TMEM132C: variants seen among roughly 807,000 people sequenced by gnomAD.
TMEM132C encodes protein phosphatase 1, regulatory subunit 152.
Under a neutral mutation model 61.4 loss-of-function variants are expected in TMEM132C, and 29 were observed. The ratio of observed to expected loss-of-function variants is 0.47; its 90% confidence interval spans 0.35 to 0.64. The LOEUF is 0.64. Ranked by LOEUF, TMEM132C falls within the 30% of genes least tolerant of loss-of-function variation. TMEM132C has a pLI of 0.00. For missense variants in TMEM132C, 1,408 were observed against 1,476.9 expected (o/e 0.95, Z 0.76); for synonymous variants, 656 against 633.1 (o/e 1.04, Z -0.54).
intron 2 of TMEM132C, among the ~76,000 whole-genome samples, chr12:128,484,436 C>T (rs1483818282): frequency 2.0e-5 from 3 of 152,160 alleles, no homozygotes; most frequent in Admixed American, 2.0e-4. Context: ...TAGGCAGGTA[C>T]AATCTCTGGG....
intron 1 of TMEM132C, among the ~76,000 whole-genome samples, chr12:128,344,928 T>TC (rs959005085): frequency 2.0e-5 from 3 of 151,174 alleles, no homozygotes; most frequent in African/African-American, 7.3e-5. Flanking sequence ...TGAGTTTCTT[T>TC]TTTTTTTTTT....
intron 1 of TMEM132C, among the ~76,000 whole-genome samples, chr12:128,342,653 C>T (rs922920310): frequency 6.6e-6 from 1 of 152,166 alleles, no homozygotes; most frequent in Non-Finnish European, 1.5e-5. Flanking sequence ...CTCCACAAGC[C>T]AAGGCTCCTC....
chr12:128,383,682 T>A (rs1874489151), intron 1 of TMEM132C, among the ~76,000 whole-genome samples: 1 of 152,164 alleles, frequency 6.6e-6, no homozygotes, highest in Admixed American at 6.5e-5. Flanking sequence ...GGACCATCGG[T>A]GTTTCTGGAG....
chr12:128,395,754 C>T (rs1432880861), intron 1 of TMEM132C, among the ~76,000 whole-genome samples: 2 of 152,212 alleles, frequency 1.3e-5, no homozygotes, highest in East Asian at 3.8e-4. Context: ...CACTTTCACA[C>T]CGTCATAAAG....
intron 8 of TMEM132C, among the ~76,000 whole-genome samples, chr12:128,701,388 T>A (rs1002342550): frequency 8.5e-5 from 13 of 152,278 alleles, no homozygotes; most frequent in Admixed American, 7.8e-4. Flanking sequence ...TGGCCAGGGC[T>A]TACCAACACA....
chr12:128,404,470 A>G (rs1875269424), intron 1 of TMEM132C: 1 of 152,354 alleles, frequency 6.6e-6, no homozygotes, highest in African/African-American at 2.4e-5. Context: ...CCCATCCTTT[A>G]TGTCCCAGCT....
intron 8 of TMEM132C, among the ~76,000 whole-genome samples, chr12:128,704,290 A>G (rs781477148): frequency 5.3e-5 from 8 of 152,196 alleles, no homozygotes; most frequent in Non-Finnish European, 1.2e-4. Context: ...TAGTTTTTAC[A>G]TAGCTGTTGG....
intron 5 of TMEM132C, among the ~76,000 whole-genome samples, chr12:128,670,189 A>G (rs1219380011): frequency 6.6e-6 from 1 of 152,186 alleles, no homozygotes; most frequent in Non-Finnish European, 1.5e-5. Flanking sequence ...GCACACCTGT[A>G]ATCCCAGTAC....
At chr12:128,383,147 T>TATGTGTGTGCACCTGTGC (rs1354857250) in intron 1 of TMEM132C, among the ~76,000 whole-genome samples, 1 of 152,224 alleles carries the variant, frequency 6.6e-6, no homozygotes, top group Non-Finnish European at 1.5e-5. Flanking sequence ...TGTGTGCCTG[T>TATGTGTGTGCACCTGTGC]ATGTGTGTGC....
Position 128,301,893 on chromosome 12 carries a change from A to G in TMEM132C, c.85+34406A>G, listed in dbSNP as rs140504146. Among the ~76,000 whole-genome samples, 1,457 of 152,356 alleles carry G rather than the reference A, an allele frequency of 9.6e-3. 12 individuals are homozygous for G. The highest frequency in any genetic ancestry group is 0.017 in the Middle Eastern group (5 of 294). On this transcript the variant is annotated intron_variant, in intron 1 of 8. Transcript: ENST00000435159. Reference sequence around the variant, plus strand: ...AATCATGGCGGAAGGCAAAAGGCACATCTTACATGGTGGCAGATGAGAGAA... The same window carrying G: ...AATCATGGCGGAAGGCAAAAGGCACGTCTTACATGGTGGCAGATGAGAGAA...
At chr12:128,513,390 A>G (rs1055383226) in intron 2 of TMEM132C, among the ~76,000 whole-genome samples, 5 of 152,134 alleles carry the variant, frequency 3.3e-5, no homozygotes, top group Non-Finnish European at 7.4e-5. Flanking sequence ...CCGAGATATA[A>G]TCTCATTACG....
intron 1 of TMEM132C, among the ~76,000 whole-genome samples, chr12:128,375,855 G>T (rs1874175758): frequency 6.6e-6 from 1 of 152,232 alleles, no homozygotes; most frequent in Admixed American, 6.5e-5. Context: ...TGATGGATTT[G>T]AGGCAAGAGC....
chr12:128,524,536 C>T (rs994865731), intron 2 of TMEM132C, among the ~76,000 whole-genome samples: 6 of 152,038 alleles, frequency 3.9e-5, no homozygotes, highest in African/African-American at 1.5e-4. Flanking sequence ...TAATTCTAAA[C>T]CTGGAAGGCA....
At chr12:128,455,316 C>T (rs1265874161) in intron 2 of TMEM132C, among the ~76,000 whole-genome samples, 1 of 152,154 alleles carries the variant, frequency 6.6e-6, no homozygotes, top group Non-Finnish European at 1.5e-5. Flanking sequence ...CCAGGCTCTA[C>T]CCACACGGAG....
At chr12:128,451,553 C>A (rs780154276) in intron 2 of TMEM132C, among the ~76,000 whole-genome samples, 2 of 152,186 alleles carry the variant, frequency 1.3e-5, no homozygotes, top group Non-Finnish European at 2.9e-5. Flanking sequence ...ACTCATTTTT[C>A]ATGAGACCTA....
intron 3 of TMEM132C, among the ~76,000 whole-genome samples, chr12:128,571,562 C>G (rs926251039): frequency 1.3e-5 from 2 of 152,200 alleles, no homozygotes; most frequent in Non-Finnish European, 2.9e-5. Context: ...CCCCACTCCC[C>G]CTCCCCGCAG....
chr12:128,669,493 A>G lies in TMEM132C; in HGVS notation c.1382A>G (p.Glu461Gly). Residue 461 changes from glutamate to glycine, a missense_variant, in exon 5 of 9, where the codon GAG becomes GGG. Physicochemically the swap from Glu to Gly is moderately conservative, Grantham distance 98. Transcript: ENST00000435159. ...AMPIKVVSVE[E>G]NSAVMDISES... ...CCTATCAAGGTGGTCTCTGTGGAGG[A>G]GAACAGTGCCGTGATGGACATCTCA... The G allele has an allele frequency of 6.4e-7, 1 of 1,551,714 alleles. No individual in the cohort carries two copies. The highest frequency in any genetic ancestry group is 8.7e-7 in the Non-Finnish European group (1 of 1,146,994).
At chr12:128,643,003 T>A (rs1039872856) in intron 4 of TMEM132C, among the ~76,000 whole-genome samples, 7 of 152,196 alleles carry the variant, frequency 4.6e-5, no homozygotes, top group Admixed American at 3.3e-4. Context: ...TGCCCGGGTC[T>A]CTTCTTATCA....
At chr12:128,482,424 C>A (rs759269846) in intron 2 of TMEM132C, among the ~76,000 whole-genome samples, 5 of 152,116 alleles carry the variant, frequency 3.3e-5, no homozygotes, top group Non-Finnish European at 5.9e-5. Flanking sequence ...GGGATATTGA[C>A]CTGAATTTTT....
Sources: allele counts gnomAD v4.1 joint callset (sites outside exome capture counted in the v4.1 genomes callset), GRCh38; gene constraint gnomAD v4.1.1; transcripts MANE v1.5; gene names NCBI Gene and HGNC (gene_info 2026-07-23, HGNC 2026-07-21).